DPP6: variants seen among roughly 807,000 people sequenced by gnomAD.
The protein encoded by DPP6 is dipeptidyl peptidase like 6.
Under a neutral mutation model 122.6 loss-of-function variants are expected in DPP6, and 69 were observed. The ratio of observed to expected loss-of-function variants is 0.56; its 90% confidence interval spans 0.46 to 0.69. The LOEUF (loss-of-function observed/expected upper bound fraction) is 0.69, where lower values mean the gene tolerates loss of function less well. Among genes scored for constraint, DPP6 ranks in the 30% least tolerant of loss-of-function variants. DPP6 has a pLI of 0.00. For synonymous variants in DPP6, 418 were observed against 433.1 expected, an observed-to-expected ratio of 0.97 and a Z score of 0.43; for missense variants, 928 against 1,116.9, an observed-to-expected ratio of 0.83 and a Z score of 2.41.
At chr7:154,193,873 G>A (rs1032819479) in intron 1 of DPP6, among the ~76,000 whole-genome samples, 8 of 152,076 alleles carry the variant, frequency 5.3e-5, no homozygotes, top group African/African-American at 1.9e-4. Context: ...ACCCTGGGAT[G>A]CGCTCACCAC....
At chr7:154,629,731 G>A (rs1835294293) in intron 5 of DPP6, among the ~76,000 whole-genome samples, 1 of 152,192 alleles carries the variant, frequency 6.6e-6, no homozygotes, top group South Asian at 2.1e-4. Flanking sequence ...GGTGCTTCGA[G>A]CCCCTGCTCA....
intron 5 of DPP6, among the ~76,000 whole-genome samples, chr7:154,591,292 G>T (rs965818722): frequency 3.3e-5 from 5 of 152,152 alleles, no homozygotes; most frequent in Admixed American, 6.5e-5. Context: ...ATGAGCTCTT[G>T]CTAGAGATTT....
rs1806447222 is a variant in DPP6 at position 154,889,683 on chromosome 7, A to G, written c.2451+153A>G. 4 of 1,194,902 alleles carry G rather than the reference A, an allele frequency of 3.3e-6. No homozygotes were observed. In the South Asian group the frequency reaches 6.3e-5, roughly 19 times the overall value. The allele number at this position is 1,194,902 out of a possible 1,614,324, so 74.0% of individuals were successfully genotyped here. On this transcript the variant is annotated intron_variant, in intron 25 of 25. Coordinates refer to ENST00000377770, the MANE Select transcript of DPP6 (RefSeq NM_130797.4). The stretch of plus-strand genomic sequence containing the variant: ...CAAGGTCCCAGCAGGTTGGAAAATC[A>G]GCACATGCTCAACGTTTTCTTATAA...
Position 154,892,526 on chromosome 7 carries a change from T to C in DPP6, c.*46T>C. 1 of 1,518,834 alleles carries C rather than the reference T, an allele frequency of 6.6e-7. No individual in the cohort carries two copies. The highest frequency in any genetic ancestry group is 8.9e-7 in the Non-Finnish European group (1 of 1,122,052). The allele number at this position is 1,518,834 out of a possible 1,614,324, so 94.1% of individuals were successfully genotyped here. A position where few individuals can be genotyped will look rare whatever the true frequency, so the allele number is the denominator to read the frequency against. ...AAACGTGGCTCTTTCTACAACCAGATGCAACCGAGGGATTTCCCTGCCCTC... is the reference window on the plus strand; with the variant it reads ...AAACGTGGCTCTTTCTACAACCAGACGCAACCGAGGGATTTCCCTGCCCTC... On this transcript the variant is annotated 3_prime_UTR_variant, in exon 26 of 26. Transcript: ENST00000377770.
intron 1 of DPP6, among the ~76,000 whole-genome samples, chr7:154,057,026 A>T (rs1800884313): frequency 6.6e-6 from 1 of 152,228 alleles, no homozygotes; most frequent in African/African-American, 2.4e-5. Flanking sequence ...ATAGCTATGG[A>T]TATTGCAGGA....
At chr7:154,677,580 G>A (rs1838992912) in intron 7 of DPP6, among the ~76,000 whole-genome samples, 1 of 152,268 alleles carries the variant, frequency 6.6e-6, no homozygotes, top group African/African-American at 2.4e-5. Context: ...GGACGAAAGG[G>A]CAGTTTGATA....
intron 1 of DPP6, among the ~76,000 whole-genome samples, chr7:154,420,080 T>A (rs1182442138): frequency 6.6e-6 from 1 of 152,210 alleles, no homozygotes; most frequent in Non-Finnish European, 1.5e-5. Context: ...CTTTTGCCTG[T>A]AATCCCAACA....
At chr7:154,829,617 A>G (rs1800469549) in intron 16 of DPP6, among the ~76,000 whole-genome samples, 1 of 152,154 alleles carries the variant, frequency 6.6e-6, no homozygotes, top group Non-Finnish European at 1.5e-5. Flanking sequence ...TGCAAGAGTA[A>G]TATCGGCTCA....
At chr7:154,115,505 G>A (rs1388061612) in intron 1 of DPP6, among the ~76,000 whole-genome samples, 1 of 152,170 alleles carries the variant, frequency 6.6e-6, no homozygotes, top group Non-Finnish European at 1.5e-5. Context: ...ATAGGGCCCT[G>A]ATGCAAAAAG....
chr7:154,553,775 C>A (rs1413465636), intron 4 of DPP6, among the ~76,000 whole-genome samples: 1 of 152,020 alleles, frequency 6.6e-6, no homozygotes, highest in Non-Finnish European at 1.5e-5. Flanking sequence ...GAAGCCACCG[C>A]TTCAAACACT....
rs558199633 is a variant in DPP6, at chr7:154,744,208, G to A, written c.883+16321G>A. On this transcript the variant is annotated intron_variant, in intron 8 of 25. Coordinates refer to ENST00000377770, the MANE Select transcript of DPP6 (RefSeq NM_130797.4). The stretch of plus-strand genomic sequence containing the variant: ...TAAATTTCTCCAGCCACAGAGAGAA[G>A]CATTTATTGTCTCTCACCACACCCG... 6.1e-4 allele frequency among the ~76,000 whole-genome samples: 93 copies of A among 152,242 alleles called. 2 individuals are homozygous for A. Among genetic ancestry groups the A allele is most frequent in the South Asian group, 5.2e-3 (25 of 4,818 alleles).
chr7:154,344,592 T>A (rs1294146581), intron 1 of DPP6, among the ~76,000 whole-genome samples: 1 of 152,154 alleles, frequency 6.6e-6, no homozygotes, highest in Non-Finnish European at 1.5e-5. Flanking sequence ...CTGCGATACA[T>A]GCTAAGGACT....
intron 1 of DPP6, among the ~76,000 whole-genome samples, chr7:154,220,987 A>C (rs1327375518): frequency 1.3e-5 from 2 of 152,172 alleles, no homozygotes; most frequent in Non-Finnish European, 2.9e-5. Flanking sequence ...TGTGTGGATA[A>C]CATGTACAGG....
At chr7:154,537,172 T>C (rs1017146936) in intron 3 of DPP6, among the ~76,000 whole-genome samples, 1 of 152,108 alleles carries the variant, frequency 6.6e-6, no homozygotes, top group Admixed American at 6.6e-5. Flanking sequence ...ATATTTCATA[T>C]GGGATGTACA....
chr7:154,067,899 T>A (rs563110027), intron 1 of DPP6, among the ~76,000 whole-genome samples: 1 of 145,756 alleles, frequency 6.9e-6, no homozygotes, highest in East Asian at 1.9e-4. Flanking sequence ...CACTCAAGGT[T>A]TTTTTTTGTT....
At chr7:154,059,321 C>T (rs867989833) in intron 1 of DPP6, 11 of 161,040 alleles carry the variant, frequency 6.8e-5, no homozygotes, top group African/African-American at 2.5e-4. Context: ...ACCCTCTTCC[C>T]CCCCTGGCTT....
At chr7:154,597,399 C>T (rs989889916) in intron 5 of DPP6, among the ~76,000 whole-genome samples, 7 of 151,838 alleles carry the variant, frequency 4.6e-5, no homozygotes, top group African/African-American at 1.7e-4. Context: ...GTCAGGAGAT[C>T]GAGACCATCC....
chr7:154,516,512 A>G (rs976408543), intron 3 of DPP6, among the ~76,000 whole-genome samples: 1 of 152,144 alleles, frequency 6.6e-6, no homozygotes, highest in African/African-American at 2.4e-5. Flanking sequence ...GACATATATT[A>G]TACACACCAT....
the DPP6 span, among the ~76,000 whole-genome samples, chr7:153,803,132 C>T: frequency 1.5e-4 from 23 of 151,860 alleles, no homozygotes; most frequent in African/African-American, 5.1e-4. Flanking sequence ...CTTCTCCACA[C>T]TGGCTTGGTC....
Sources: allele counts gnomAD v4.1 joint callset (sites outside exome capture counted in the v4.1 genomes callset), GRCh38; gene constraint gnomAD v4.1.1; transcripts MANE v1.5; gene names NCBI Gene and HGNC (gene_info 2026-07-23, HGNC 2026-07-21).